The following OR6A2 variants were observed in gnomAD, a reference collection of about 807,000 sequenced individuals.
OR6A2 encodes the protein olfactory receptor 6A2.
In OR6A2, 6 loss-of-function variants were observed where a neutral mutation model predicts 7.1. That is an observed-to-expected ratio of 0.85 (90% CI 0.46 to 1.68). The LOEUF (loss-of-function observed/expected upper bound fraction) is 1.68, where lower values mean the gene tolerates loss of function less well. OR6A2 is among the 40% of genes most tolerant of loss of function. OR6A2 has a pLI of 0.01. For synonymous variants in OR6A2, 162 were observed against 152.1 expected (o/e 1.06, Z -0.48); for missense variants, 431 against 398.0 (o/e 1.08, Z -0.71).
Position 6,791,871 on chromosome 11 carries a change from T to A in OR6A2, c.*2854A>T, listed in dbSNP as rs1480369169. 1 of 152,210 alleles carries A rather than the reference T, an allele frequency of 6.6e-6. No individual in the cohort carries two copies. Among genetic ancestry groups the A allele is most frequent in the East Asian group, 1.9e-4 (1 of 5,196 alleles). The allele number at this position is 152,210 out of a possible 1,614,324, so 9.4% of individuals were successfully genotyped here. A position where few individuals can be genotyped will look rare whatever the true frequency, so the allele number is the denominator to read the frequency against. ...CTCTCAGTTTGTTTCTTCTAATATA[T>A]TCATCCTTCATTAGCATACATACTT... On this transcript the variant is annotated 3_prime_UTR_variant, in exon 2 of 2. Transcript: ENST00000641196.
chr11:6,798,426 C>G (rs1847768937), intron 1 of OR6A2, among the ~76,000 whole-genome samples: 1 of 152,094 alleles, frequency 6.6e-6, no homozygotes, highest in Admixed American at 6.6e-5. Context: ...TGCCTTCCTC[C>G]TAGTTCCTCA....
chr11:6,795,864 C>G lies in OR6A2; in HGVS notation c.-156G>C. On this transcript the variant is annotated 5_prime_UTR_variant, in exon 2 of 2. Transcript: ENST00000641196. ...ATCACTGAGCTGAGGCCACTGCTCT[C>G]TTCTTTAATCTGGAAATGAGCTAAG... The G allele has an allele frequency of 3.2e-6, 2 of 617,752 alleles. No individual in the cohort carries two copies. The highest frequency in any genetic ancestry group is 2.4e-5 in the South Asian group (1 of 41,534). 38.3% of individuals were successfully genotyped at this position (617,752 alleles called of 1,614,324 possible).
In OR6A2 at chr11:6,795,459, C is replaced by G. The variant is rs111641381; in HGVS notation, c.250G>C (p.Ala84Pro). The G allele has an allele frequency of 1.2e-6, 2 of 1,614,108 alleles. No homozygotes were observed. The highest frequency in any genetic ancestry group is 1.7e-6 in the Non-Finnish European group (2 of 1,179,994). ...YVTVTIPKML[A>P]GFVGSKQDHG... The stretch of plus-strand genomic sequence containing the variant: ...TCCTGTTTGGATCCAACAAAGCCAG[C>G]AAGCATCTTGGGAATAGTGACAGTG... The change falls in exon 2 of 2, where the codon GCT (alanine) becomes CCT (proline). Residue 84 changes from alanine (A) to proline (P), a missense_variant. Coordinates refer to ENST00000641196, the MANE Select transcript of OR6A2 (RefSeq NM_003696.3).
rs1368400558 is a variant in OR6A2, at chr11:6,795,516, C to G, written c.193G>C (p.Ala65Pro). Residue 65 changes from alanine to proline, a missense_variant, in exon 2 of 2, where the codon GCT (alanine) becomes CCT (proline). Coordinates refer to ENST00000641196, the MANE Select transcript of OR6A2 (RefSeq NM_003696.3). ...CAGATCTCCAGAAAGGACATATTAG[C>G]TAGAAAAAAGTACATGGGTTTGTGG... ...TLHKPMYFFL[A>P]NMSFLEIWYV... 6.2e-7 allele frequency: 1 copy of G among 1,614,058 alleles called. No homozygotes were observed. The highest frequency in any genetic ancestry group is 1.1e-5 in the South Asian group (1 of 91,084).
In OR6A2 at chr11:6,795,053, G is replaced by C; in HGVS notation, c.656C>G (p.Thr219Ser). Reference sequence around the variant, plus strand: ...AGTAATGGCCACATAGGAGGCCCCAGTGACAGAGAGTGGCCCTAGAAGAAT... The same window carrying C: ...AGTAATGGCCACATAGGAGGCCCCACTGACAGAGAGTGGCCCTAGAAGAAT... Reference protein sequence around the residue: ...IFILLGPLSVTGASYVAITGA... With the variant: ...IFILLGPLSVSGASYVAITGA... Residue 219 changes from threonine (T) to serine (S), a missense_variant, in exon 2 of 2, where the codon ACT (threonine) becomes AGT (serine). Transcript: ENST00000641196. 2 of 1,614,000 alleles carry C rather than the reference G, an allele frequency of 1.2e-6. No homozygotes were observed. The highest frequency in any genetic ancestry group is 1.7e-6 in the Non-Finnish European group (2 of 1,180,012).
chr11:6,795,146 GGA>G lies in OR6A2; in HGVS notation c.561_562del (p.Pro188IlefsTer8). 6.2e-7 allele frequency: 1 copy of G among 1,614,104 alleles called. No individual in the cohort carries two copies. The highest frequency in any genetic ancestry group is 8.5e-7 in the Non-Finnish European group (1 of 1,179,998). Reference sequence around the variant, plus strand: ...ATCAGTGCATGAGAGGTTGAGCAATGGAGAGACATCACAGAAAAAGTGGTTGA... The same window carrying G: ...ATCAGTGCATGAGAGGTTGAGCAATGGAGACATCACAGAAAAAGTGGTTGA... On this transcript the variant is annotated frameshift_variant, in exon 2 of 2. Transcript: ENST00000641196. LOFTEE classifies it high-confidence loss of function.
In OR6A2 at chr11:6,794,393, A is replaced by C; in HGVS notation, c.*332T>G. The C allele has an allele frequency of 3.6e-6, 1 of 276,040 alleles. No homozygotes were observed. Among genetic ancestry groups the C allele is most frequent in the Non-Finnish European group, 6.8e-6 (1 of 146,292 alleles). 17.1% of individuals were successfully genotyped at this position (276,040 alleles called of 1,614,324 possible). On this transcript the variant is annotated 3_prime_UTR_variant, in exon 2 of 2. Transcript: ENST00000641196. Reference sequence around the variant, plus strand: ...ATCTCCTGGGCCTCTGCTACCTAATAGAGATCTTATCAAAAAGTCTTGTGT... The same window carrying C: ...ATCTCCTGGGCCTCTGCTACCTAATCGAGATCTTATCAAAAAGTCTTGTGT...
rs540636049 is a variant in OR6A2 at position 6,791,980 on chromosome 11, G to A, written c.*2745C>T. ...TTATTCAGATTTTATTATCTTTTCTGTTAGTATTACTTTATGTTCCAGGGT... is the reference window on the plus strand; with the variant it reads ...TTATTCAGATTTTATTATCTTTTCTATTAGTATTACTTTATGTTCCAGGGT... On this transcript the variant is annotated 3_prime_UTR_variant, in exon 2 of 2. Coordinates refer to ENST00000641196, the MANE Select transcript of OR6A2 (RefSeq NM_003696.3). The A allele has an allele frequency of 6.6e-6, 1 of 152,158 alleles. No homozygotes were observed. Among genetic ancestry groups the A allele is most frequent in the African/African-American group, 2.4e-5 (1 of 41,538 alleles). The allele number at this position is 152,158 out of a possible 1,614,324, so 9.4% of individuals were successfully genotyped here. A position where few individuals can be genotyped will look rare whatever the true frequency, so the allele number is the denominator to read the frequency against.
rs1847709350 is a variant in OR6A2, at chr11:6,793,263, T to C, written c.*1462A>G. The C allele has an allele frequency of 6.6e-6, 1 of 152,216 alleles. No individual in the cohort carries two copies. The highest frequency in any genetic ancestry group is 6.5e-5 in the Admixed American group (1 of 15,272). 9.4% of individuals were successfully genotyped at this position (152,216 alleles called of 1,614,324 possible). On this transcript the variant is annotated 3_prime_UTR_variant, in exon 2 of 2. Transcript: ENST00000641196. ...ACATTATATTAAAACTTTTAATAAG[T>C]ATGGGCTAGCAAATAATGCATGATA... is the stretch of plus-strand genomic sequence containing the variant.
At chr11:6,796,405 A>T (rs1280794668) in intron 1 of OR6A2, among the ~76,000 whole-genome samples, 1 of 152,210 alleles carries the variant, frequency 6.6e-6, no homozygotes, top group African/African-American at 2.4e-5. Flanking sequence ...ACTGTACAAT[A>T]CATCTTGGAT....
Position 6,793,380 on chromosome 11 carries a change from G to A in OR6A2, c.*1345C>T, listed in dbSNP as rs1847711066. On this transcript the variant is annotated 3_prime_UTR_variant, in exon 2 of 2. Coordinates refer to ENST00000641196, the MANE Select transcript of OR6A2 (RefSeq NM_003696.3). Reference sequence around the variant, plus strand: ...TTGAGCAACAGTTGGATCCATATCTGGAGATAGAATCTTCACTGTCTTCAG... The same window carrying A: ...TTGAGCAACAGTTGGATCCATATCTAGAGATAGAATCTTCACTGTCTTCAG... 1 of 152,150 alleles carries A rather than the reference G, an allele frequency of 6.6e-6. No homozygotes were observed. Among genetic ancestry groups the A allele is most frequent in the African/African-American group, 2.4e-5 (1 of 41,440 alleles). The allele number at this position is 152,150 out of a possible 1,614,324, so 9.4% of individuals were successfully genotyped here.
intron 1 of OR6A2, among the ~76,000 whole-genome samples, chr11:6,796,225 T>C (rs190565445): frequency 4.6e-5 from 7 of 152,314 alleles, no homozygotes; most frequent in Admixed American, 4.6e-4. Flanking sequence ...ATTCGCTTGA[T>C]CTTAACAACA....
Position 6,795,796 on chromosome 11 carries a change from G to A in OR6A2, c.-88C>T, listed in dbSNP as rs1469844011. The A allele has an allele frequency of 7.4e-6, 9 of 1,222,930 alleles. No individual in the cohort carries two copies. Among genetic ancestry groups the A allele is most frequent in the Non-Finnish European group, 1.1e-5 (9 of 855,328 alleles). The allele number at this position is 1,222,930 out of a possible 1,614,324, so 75.8% of individuals were successfully genotyped here. ...CAAGAACCCAGCCTTTCTCTTAATG[G>A]GCTTATATTGGTCGAATACCACGTA... is the stretch of plus-strand genomic sequence containing the variant. On this transcript the variant is annotated 5_prime_UTR_variant, in exon 2 of 2. Transcript: ENST00000641196.
At position 6,795,633 on chromosome 11, in the gene OR6A2, C is replaced by T; in HGVS notation, c.76G>A (p.Val26Ile). Residue 26 changes from valine to isoleucine, a missense_variant, in exon 2 of 2, where the codon GTA (valine) becomes ATA (isoleucine). Val to Ile is a conservative substitution (Grantham distance 29, BLOSUM62 3). Coordinates refer to ENST00000641196, the MANE Select transcript of OR6A2 (RefSeq NM_003696.3). ...LGFPAPAPLQ[V>I]LLFALLLLAY... is the part of the protein sequence containing the mutation. ...AGCAGCAAAAGGGCAAACAATAGTA[C>T]CTGTAGTGGCGCAGGAGCAGGGAAG... is the stretch of plus-strand genomic sequence containing the variant. 6.2e-7 allele frequency: 1 copy of T among 1,613,990 alleles called. No individual in the cohort carries two copies. Among genetic ancestry groups the T allele is most frequent in the Non-Finnish European group, 8.5e-7 (1 of 1,179,938 alleles).
rs899736745 is a variant in OR6A2 at position 6,795,481 on chromosome 11, A to G, written c.228T>C (p.Thr76=). 1.2e-6 allele frequency: 2 copies of G among 1,614,192 alleles called. No homozygotes were observed. Reference sequence around the variant, plus strand: ...CAGCAAGCATCTTGGGAATAGTGACAGTGACATACCAGATCTCCAGAAAGG... The same window carrying G: ...CAGCAAGCATCTTGGGAATAGTGACGGTGACATACCAGATCTCCAGAAAGG... ...NMSFLEIWYV[T]VTIPKMLAGF... is the part of the protein sequence containing the mutation. The change falls in exon 2 of 2, where the codon ACT becomes ACC. Residue 76 remains threonine (T), a synonymous_variant. Coordinates refer to ENST00000641196, the MANE Select transcript of OR6A2 (RefSeq NM_003696.3).
Position 6,792,784 on chromosome 11 carries a change from T to G in OR6A2, c.*1941A>C, listed in dbSNP as rs565390359. ...AGTTTACAAAGTTTTGTGACCTCAA[T>G]TTCAATATGAGTCCTGAGGGTCATA... is the stretch of plus-strand genomic sequence containing the variant. On this transcript the variant is annotated 3_prime_UTR_variant, in exon 2 of 2. Coordinates refer to ENST00000641196, the MANE Select transcript of OR6A2 (RefSeq NM_003696.3). The G allele has an allele frequency of 6.6e-6, 1 of 152,138 alleles. No individual in the cohort carries two copies. Among genetic ancestry groups the G allele is most frequent in the South Asian group, 2.1e-4 (1 of 4,824 alleles). 9.4% of individuals were successfully genotyped at this position (152,138 alleles called of 1,614,324 possible).
intron 1 of OR6A2, among the ~76,000 whole-genome samples, chr11:6,798,840 G>A (rs765665149): frequency 8.5e-5 from 13 of 152,126 alleles, no homozygotes; most frequent in Non-Finnish European, 1.5e-4. Context: ...TAGATTATTT[G>A]TTGCAGCATC....
intron 1 of OR6A2, among the ~76,000 whole-genome samples, chr11:6,798,916 T>C (rs774798919): frequency 1.3e-5 from 2 of 152,176 alleles, no homozygotes; most frequent in Non-Finnish European, 2.9e-5. Context: ...AGGTTTATAA[T>C]GTGGTTGCAT....
rs528730362 is a variant in OR6A2, at chr11:6,798,323, C to A, written c.-177+1221G>T. The stretch of plus-strand genomic sequence containing the variant: ...TGTACCCATCCACCCTTTCCCCCAA[C>A]ACACATCCCACACTTAACTAATCCA... On this transcript the variant is annotated intron_variant, in intron 1 of 1. Coordinates refer to ENST00000641196, the MANE Select transcript of OR6A2 (RefSeq NM_003696.3). 2.6e-5 allele frequency among the ~76,000 whole-genome samples: 4 copies of A among 152,352 alleles called. 1 individual carries two copies. In the South Asian group the frequency reaches 8.3e-4, roughly 32 times the overall value.
Sources: allele counts gnomAD v4.1 joint callset (sites outside exome capture counted in the v4.1 genomes callset), GRCh38; gene constraint gnomAD v4.1.1; transcripts MANE v1.5; gene names NCBI Gene and HGNC (gene_info 2026-07-23, HGNC 2026-07-21).